RPGR: variants seen among roughly 807,000 people sequenced by gnomAD.
RPGR encodes the protein retinitis pigmentosa GTPase regulator.
In RPGR, 10 loss-of-function variants were observed where a neutral mutation model predicts 56.3. That is an observed-to-expected ratio of 0.18 (90% confidence interval 0.11 to 0.30). RPGR has a LOEUF of 0.30. Among genes scored for constraint, RPGR ranks in the 10% least tolerant of loss-of-function variants. RPGR has a pLI of 1.00. For missense variants in RPGR, 538 were observed against 590.9 expected, an observed-to-expected ratio of 0.91 and a Z score of 0.93; for synonymous variants, 197 against 212.9, an observed-to-expected ratio of 0.93 and a Z score of 0.65.
chrX:38,312,019 G>A (rs754907668), intron 6 of RPGR, among the ~76,000 whole-genome samples: 52 of 111,442 alleles, frequency 4.7e-4, no homozygotes, highest in Non-Finnish European at 7.7e-4. Context: ...AATCTTATTC[G>A]TAAGTATAAT....
At chrX:38,294,298 A>G (rs1431591157) in intron 11 of RPGR, among the ~76,000 whole-genome samples, 6 of 111,347 alleles carry the variant, frequency 5.4e-5, no homozygotes, top group African/African-American at 2.0e-4. Context: ...CTCAAATGTT[A>G]GATGTTCTTA....
At chrX:38,315,838 T>TATATATATAG (rs768025579) in intron 6 of RPGR, among the ~76,000 whole-genome samples, 1 of 90,844 alleles carries the variant, frequency 1.1e-5, no homozygotes, top group African/African-American at 4.4e-5. Flanking sequence ...TATATATATA[T>TATATATATAG]AGAGAGAGAG....
chrX:38,322,494 A>G (rs1232474634), intron 3 of RPGR, among the ~76,000 whole-genome samples: 1 of 112,269 alleles, frequency 8.9e-6, no homozygotes, highest in South Asian at 3.6e-4. Context: ...ACTGTATTAA[A>G]TGAGAAAAGC....
intron 5 of RPGR, 72 bp from the exon 6 acceptor site, chrX:38,317,537 A>C: frequency 1.1e-6 from 1 of 921,853 alleles, no homozygotes; most frequent in South Asian, 2.3e-5. Context: ...TATACTTCCA[A>C]AAGACCATTT....
At position 38,304,691 on chromosome X, in the gene RPGR, C is replaced by T; in HGVS notation, c.878G>A (p.Arg293Lys). Residue 293 changes from arginine (R) to lysine (K), a missense_variant, in exon 8 of 19, where the codon AGG becomes AAG. Transcript: ENST00000642395. ...AGAAATATAACTTATTGTTTGATCC[C>T]TAATATTCTCAATGACTTTGGGTTC... 2 of 1,201,373 alleles carry T rather than the reference C, an allele frequency of 1.7e-6. No homozygotes were observed. Among genetic ancestry groups the T allele is most frequent in the East Asian group, 5.9e-5 (2 of 33,767 alleles).
intron 1 of RPGR, chrX:38,326,560 T>G (rs527978227): frequency 2.7e-5 from 3 of 111,535 alleles, no homozygotes; most frequent in East Asian, 2.8e-4. Flanking sequence ...AAAGTATTTC[T>G]AACTATGGAG....
intron 2 of RPGR, 143 bp downstream of exon 2, chrX:38,323,256 T>C (rs1044050892): frequency 1.6e-6 from 1 of 615,072 alleles, no homozygotes; most frequent in Non-Finnish European, 2.5e-6. Context: ...TGATGACTTA[T>C]TTTGTGAAGA....
Position 38,318,791 on chromosome X carries a change from AG to A in RPGR, c.469+37del, listed in dbSNP as rs777327081. 3 of 1,202,754 alleles carry A rather than the reference AG, an allele frequency of 2.5e-6. No individual in the cohort carries two copies. In the Admixed American group the frequency reaches 6.5e-5, roughly 26 times the overall value. On this transcript the variant is annotated intron_variant, in intron 5 of 18. Coordinates refer to ENST00000642395, the MANE Select transcript of RPGR (RefSeq NM_000328.3). ...GTTGGCATATATTGATCTACAGGAA[AG>A]GAATGTGTCCCAGACTGAAAAAGAA... is the stretch of plus-strand genomic sequence containing the variant.
At chrX:38,270,458 C>CAAAAAAAAA (rs771458538) in intron 18 of RPGR, among the ~76,000 whole-genome samples, 6 of 76,550 alleles carry the variant, frequency 7.8e-5, no homozygotes, top group Admixed American at 1.6e-4. Flanking sequence ...ACTACAAATA[C>CAAAAAAAAA]AAAAAAAAAA....
In RPGR at chrX:38,301,239, G is replaced by A. The variant is rs747927161; in HGVS notation, c.1059+8C>T. The stretch of plus-strand genomic sequence containing the variant: ...GAAAATATAAACAGGGAAATGTGAT[G>A]CCCTTACCAATTTAACTATAAACCT... On this transcript the variant is annotated splice_region_variant and intron_variant, in intron 9 of 18. Coordinates refer to ENST00000642395, the MANE Select transcript of RPGR (RefSeq NM_000328.3). The A allele has an allele frequency of 2.5e-6, 3 of 1,189,225 alleles. No homozygotes were observed. In the South Asian group the frequency reaches 5.4e-5, roughly 21 times the overall value.
intron 1 of RPGR, chrX:38,325,758 A>C (rs2068037704): frequency 1.8e-5 from 2 of 111,993 alleles, no homozygotes; most frequent in Admixed American, 1.9e-4. Flanking sequence ...TAACATTCTT[A>C]CATCAAGTCA....
intron 18 of RPGR, among the ~76,000 whole-genome samples, chrX:38,272,116 T>C (rs1048898522): frequency 9.0e-5 from 10 of 110,545 alleles, no homozygotes; most frequent in Non-Finnish European, 1.7e-4. Context: ...CACTTACACA[T>C]AGAAAACAAG....
intron 6 of RPGR, among the ~76,000 whole-genome samples, chrX:38,315,766 A>C (rs2067809426): frequency 9.4e-6 from 1 of 106,798 alleles, no homozygotes; most frequent in Non-Finnish European, 1.9e-5. Context: ...CCATGATGTG[A>C]TTATTGCCCA....
intron 6 of RPGR, among the ~76,000 whole-genome samples, chrX:38,316,997 C>A (rs190677143): frequency 9.0e-6 from 1 of 111,026 alleles, no homozygotes; most frequent in Non-Finnish European, 1.9e-5. Flanking sequence ...AATATTTTAA[C>A]TAAGACAGAA....
intron 15 of RPGR, chrX:38,285,019 T>G: frequency 1.3e-6 from 1 of 753,052 alleles, no homozygotes; most frequent in South Asian, 6.7e-5. Flanking sequence ...AAGACAATAC[T>G]TTCTTTAAAA....
At position 38,286,618 on chromosome X, in the gene RPGR, C is replaced by T. The variant is rs1298699633; in HGVS notation, c.1905+476G>A. On this transcript the variant is annotated intron_variant, in intron 15 of 18. Transcript: ENST00000642395. ...CTCTGTTTCCTCCTCTTCCCCCTCT[C>T]CTTGGTCTCCTTCTTCCTCTCCTTT... The T allele has an allele frequency of 2.7e-6, 3 of 1,113,540 alleles. No individual in the cohort carries two copies. In the South Asian group the frequency reaches 6.0e-5, roughly 22 times the overall value. 91.8% of individuals were successfully genotyped at this position (1,113,540 alleles called of 1,213,427 possible).
chrX:38,327,111 T>C (rs1185623267), intron 1 of RPGR, among the ~76,000 whole-genome samples: 1 of 111,677 alleles, frequency 9.0e-6, no homozygotes, highest in Non-Finnish European at 1.9e-5. Flanking sequence ...AAGAGCTTAT[T>C]TAAAAAGCAT....
At chrX:38,308,830 T>C (rs1302284311) in intron 7 of RPGR, among the ~76,000 whole-genome samples, 1 of 111,153 alleles carries the variant, frequency 9.0e-6, no homozygotes, top group Non-Finnish European at 1.9e-5. Context: ...ATCTAGAAAC[T>C]AAAGCTTAAT....
intron 17 of RPGR, among the ~76,000 whole-genome samples, chrX:38,274,931 T>C (rs1242281804): frequency 8.9e-6 from 1 of 112,539 alleles, no homozygotes; most frequent in East Asian, 2.8e-4. Flanking sequence ...CTGTATCACA[T>C]ATTTCATAGC....
Sources: gnomAD v4.1 joint callset for allele counts (sites outside exome capture counted in the v4.1 genomes callset) on GRCh38, gnomAD v4.1.1 for gene constraint, MANE v1.5 for transcripts, NCBI Gene and HGNC (gene_info 2026-07-23, HGNC 2026-07-21) for gene names.